MOGAT1: variants seen among roughly 807,000 people sequenced by gnomAD.
The protein encoded by MOGAT1 is 2-acylglycerol O-acyltransferase 1.
Under a neutral mutation model 31.4 loss-of-function variants are expected in MOGAT1, and 32 were observed. The observed-to-expected ratio is 1.02, with a 90% confidence interval of 0.77 to 1.37. The LOEUF (loss-of-function observed/expected upper bound fraction) is 1.37, where lower values mean the gene tolerates loss of function less well. MOGAT1 is among the 40% of genes most tolerant of loss of function. The probability of loss-of-function intolerance (pLI) is 0.00; values close to 1 mark genes in which losing one functional copy is unlikely to be tolerated. For missense variants in MOGAT1, 426 were observed against 402.0 expected, an observed-to-expected ratio of 1.06 and a Z score of -0.51; for synonymous variants, 145 against 144.5, an observed-to-expected ratio of 1.00 and a Z score of -0.03.
intron 1 of MOGAT1, among the ~76,000 whole-genome samples, chr2:222,686,611 C>G (rs1270377500): frequency 6.6e-6 from 1 of 152,150 alleles, no homozygotes; most frequent in Non-Finnish European, 1.5e-5. Context: ...GCAGAGGGCA[C>G]TCTTTACAGC....
intron 2 of MOGAT1, 88 bp from the exon 3 acceptor site, chr2:222,689,177 T>C (rs1467670231): frequency 8.5e-7 from 1 of 1,170,624 alleles, no homozygotes; most frequent in Non-Finnish European, 1.2e-6. Context: ...CATTTTCTCT[T>C]GACATAAAAA....
chr2:222,681,887 C>A (rs1041650332), intron 1 of MOGAT1, among the ~76,000 whole-genome samples: 1 of 152,112 alleles, frequency 6.6e-6, no homozygotes, highest in African/African-American at 2.4e-5. Context: ...GTTTTAGGAG[C>A]CCTAGGCCAG....
At chr2:222,683,179 G>C (rs1476340780) in intron 1 of MOGAT1, among the ~76,000 whole-genome samples, 1 of 148,708 alleles carries the variant, frequency 6.7e-6, no homozygotes, top group Admixed American at 6.7e-5. Flanking sequence ...ACTCCAGCCT[G>C]AGTGACAAAG....
chr2:222,703,456 C>T (rs557650610), intron 5 of MOGAT1, among the ~76,000 whole-genome samples: 2 of 152,110 alleles, frequency 1.3e-5, no homozygotes, highest in East Asian at 3.9e-4. Flanking sequence ...AAAATAATCT[C>T]GGTGCCAAAG....
intron 5 of MOGAT1, among the ~76,000 whole-genome samples, chr2:222,705,323 C>G (rs1433598891): frequency 6.6e-6 from 1 of 152,170 alleles, no homozygotes; most frequent in Non-Finnish European, 1.5e-5. Context: ...ACTTAGGATG[C>G]CTTAACCATC....
chr2:222,698,620 C>T (rs1159811192), intron 5 of MOGAT1: 1 of 152,206 alleles, frequency 6.6e-6, no homozygotes, highest in Non-Finnish European at 1.5e-5. Context: ...GCTGGAGAGT[C>T]AATCACCTTC....
Position 222,709,894 on chromosome 2 carries a change from G to C in MOGAT1, c.*4G>C, listed in dbSNP as rs1032951265. Reference sequence around the variant, plus strand: ...CGAGACTCTTGTTTTAAAATGACTTGACTATAAAAAAAAATTAAAAAATAA... The same window carrying C: ...CGAGACTCTTGTTTTAAAATGACTTCACTATAAAAAAAAATTAAAAAATAA... On this transcript the variant is annotated 3_prime_UTR_variant, in exon 6 of 6. Coordinates refer to ENST00000446656, the MANE Select transcript of MOGAT1 (RefSeq NM_058165.3). The C allele has an allele frequency of 5.1e-6, 8 of 1,574,340 alleles. No individual in the cohort carries two copies. The highest frequency in any genetic ancestry group is 6.9e-6 in the Non-Finnish European group (8 of 1,163,794).
At chr2:222,702,234 G>T (rs186542354) in intron 5 of MOGAT1, among the ~76,000 whole-genome samples, 2 of 152,124 alleles carry the variant, frequency 1.3e-5, no homozygotes, top group African/African-American at 2.4e-5. Context: ...AGAGGGAGGG[G>T]GTCCTCAGAG....
rs756908244 is a variant in MOGAT1 at position 222,688,379 on chromosome 2, A to G, written c.130A>G (p.Ile44Val). The change falls in exon 2 of 6, where the codon ATA becomes GTA. Residue 44 changes from isoleucine to valine, a missense_variant. Ile to Val is a conservative substitution (Grantham distance 29, BLOSUM62 3). Transcript: ENST00000446656. The stretch of plus-strand genomic sequence containing the variant: ...CATTGGAATCACTGTGATGCTGATC[A>G]TACACAACTATTTGTTCCTTTACAT... ...MSIGITVMLI[I>V]HNYLFLYIPY... is the part of the protein sequence containing the mutation. The G allele has an allele frequency of 6.2e-7, 1 of 1,612,830 alleles. No individual in the cohort carries two copies. The highest frequency in any genetic ancestry group is 8.5e-7 in the Non-Finnish European group (1 of 1,179,384).
intron 1 of MOGAT1, among the ~76,000 whole-genome samples, chr2:222,676,242 C>T (rs1237522462): frequency 6.6e-6 from 1 of 151,462 alleles, no homozygotes; most frequent in Non-Finnish European, 1.5e-5. Flanking sequence ...CCACCTTGAC[C>T]TCTTAAAATG....
At chr2:222,683,025 A>G (rs1692606576) in intron 1 of MOGAT1, among the ~76,000 whole-genome samples, 1 of 152,038 alleles carries the variant, frequency 6.6e-6, no homozygotes. Context: ...GCAACATGGC[A>G]AGATCCTATC....
At chr2:222,702,835 C>A (rs1207008658) in intron 5 of MOGAT1, among the ~76,000 whole-genome samples, 10 of 148,362 alleles carry the variant, frequency 6.7e-5, no homozygotes, top group Non-Finnish European at 1.0e-4. Context: ...AAAAAAAAAA[C>A]CACAAAAAAC....
At chr2:222,686,395 C>T (rs949704912) in intron 1 of MOGAT1, among the ~76,000 whole-genome samples, 1 of 152,222 alleles carries the variant, frequency 6.6e-6, no homozygotes, top group Non-Finnish European at 1.5e-5. Flanking sequence ...CACTCAATAA[C>T]TATTCTTTCC....
chr2:222,705,757 A>G (rs1340424749), intron 5 of MOGAT1, among the ~76,000 whole-genome samples: 1 of 152,012 alleles, frequency 6.6e-6, no homozygotes, highest in African/African-American at 2.4e-5. Context: ...CATCTAGTAG[A>G]CCCTCGATAA....
intron 5 of MOGAT1, among the ~76,000 whole-genome samples, chr2:222,698,183 A>G (rs1692864109): frequency 6.6e-6 from 1 of 152,208 alleles, no homozygotes; most frequent in Non-Finnish European, 1.5e-5. Context: ...ATTTGGTAGT[A>G]CAATCTGGGG....
At chr2:222,693,055 A>G (rs1453004228) in intron 3 of MOGAT1, among the ~76,000 whole-genome samples, 1 of 152,154 alleles carries the variant, frequency 6.6e-6, no homozygotes. Context: ...CATAATAGAA[A>G]CCCAGAGTAA....
chr2:222,697,732 C>T (rs894234010), intron 5 of MOGAT1, among the ~76,000 whole-genome samples: 4 of 151,952 alleles, frequency 2.6e-5, no homozygotes, highest in African/African-American at 4.8e-5. Context: ...CACCACCACA[C>T]TCAGCTAATT....
chr2:222,709,790 A>T lies in MOGAT1; in HGVS notation c.908A>T (p.Glu303Val). 6.2e-7 allele frequency: 1 copy of T among 1,613,646 alleles called. No individual in the cohort carries two copies. The highest frequency in any genetic ancestry group is 8.5e-7 in the Non-Finnish European group (1 of 1,179,704). ...QTLNPTQEQI[E>V]ELHQTYMEEL... ...CTGAACCCGACCCAGGAGCAGATTG[A>T]GGAGTTACATCAGACCTATATGGAG... The change falls in exon 6 of 6, where the codon GAG (glutamate) becomes GTG (valine). Residue 303 changes from glutamate to valine, a missense_variant. Coordinates refer to ENST00000446656, the MANE Select transcript of MOGAT1 (RefSeq NM_058165.3).
At chr2:222,672,889 T>TTATTATTA (rs1553560983) in intron 1 of MOGAT1, among the ~76,000 whole-genome samples, 15 of 139,224 alleles carry the variant, frequency 1.1e-4, no homozygotes, top group African/African-American at 3.0e-4. Flanking sequence ...CTGGAATTTG[T>TTATTATTA]TTATTATTAT....
Sources: gnomAD v4.1 joint callset for allele counts (sites outside exome capture counted in the v4.1 genomes callset) on GRCh38, gnomAD v4.1.1 for gene constraint, MANE v1.5 for transcripts, NCBI Gene and HGNC (gene_info 2026-07-23, HGNC 2026-07-21) for gene names.